The following LIN54 variants were observed in gnomAD, a reference collection of about 807,000 sequenced individuals.
The protein encoded by LIN54 is lin-54 DREAM MuvB core complex component, also known as protein lin-54 homolog.
A neutral mutation model predicts 78.7 loss-of-function variants in LIN54; 9 were observed. That is an observed-to-expected ratio of 0.11 (90% confidence interval 0.07 to 0.20). The LOEUF (loss-of-function observed/expected upper bound fraction) is 0.20, where lower values mean the gene tolerates loss of function less well. Ranked by LOEUF, LIN54 falls within the 10% of genes least tolerant of loss-of-function variation. The pLI, the probability that LIN54 is intolerant of heterozygous loss-of-function variation, is 1.00. For synonymous variants in LIN54, 269 were observed against 318.4 expected, an observed-to-expected ratio of 0.84 and a Z score of 1.65; for missense variants, 573 against 889.9, an observed-to-expected ratio of 0.64 and a Z score of 4.53.
chr4:82,945,896 A>G (rs568663862), intron 5 of LIN54, among the ~76,000 whole-genome samples: 1 of 152,250 alleles, frequency 6.6e-6, no homozygotes, highest in Non-Finnish European at 1.5e-5. Context: ...TGTCATTTCA[A>G]CTGACCCAAA....
intron 1 of LIN54, among the ~76,000 whole-genome samples, chr4:83,007,507 T>C (rs1033825913): frequency 6.6e-6 from 1 of 152,332 alleles, no homozygotes; most frequent in South Asian, 2.1e-4. Context: ...AAGATAGTTA[T>C]GAGGTATGCT....
In LIN54 at chr4:82,927,671, T is replaced by G. The variant is rs917582356; in HGVS notation, c.*431A>C. ...CATTTGAATGTGTTTCATAAGAATT[T>G]GTTTATGTAACATTCTGTCTGCAGA... is the stretch of plus-strand genomic sequence containing the variant. On this transcript the variant is annotated 3_prime_UTR_variant, in exon 13 of 13. Coordinates refer to ENST00000340417, the MANE Select transcript of LIN54 (RefSeq NM_194282.4). 3 of 154,980 alleles carry G rather than the reference T, an allele frequency of 1.9e-5. No individual in the cohort carries two copies. The highest frequency in any genetic ancestry group is 7.2e-5 in the African/African-American group (3 of 41,504). The allele number at this position is 154,980 out of a possible 1,614,324, so 9.6% of individuals were successfully genotyped here.
intron 4 of LIN54, among the ~76,000 whole-genome samples, chr4:82,965,344 T>C (rs1484126835): frequency 6.6e-6 from 1 of 152,120 alleles, no homozygotes; most frequent in African/African-American, 2.4e-5. Context: ...ATAAAGTAAA[T>C]TGAGAAAACA....
In LIN54 at chr4:83,010,647, C is replaced by T; in HGVS notation, c.-196G>A. 8.1e-7 allele frequency: 1 copy of T among 1,231,288 alleles called. No individual in the cohort carries two copies. The highest frequency in any genetic ancestry group is 1.0e-6 in the Non-Finnish European group (1 of 987,458). 76.3% of individuals were successfully genotyped at this position (1,231,288 alleles called of 1,614,324 possible). A position where few individuals can be genotyped will look rare whatever the true frequency, so the allele number is the denominator to read the frequency against. On this transcript the variant is annotated 5_prime_UTR_variant, in exon 1 of 13. Coordinates refer to ENST00000340417, the MANE Select transcript of LIN54 (RefSeq NM_194282.4). ...CCAAACTGGAGCGCTCCAGGGTACC[C>T]GGGGACCGAGAAGGGAGCCGGGGTG... is the stretch of plus-strand genomic sequence containing the variant.
chr4:82,951,018 T>C (rs1209000914), intron 4 of LIN54, among the ~76,000 whole-genome samples: 1 of 152,176 alleles, frequency 6.6e-6, no homozygotes. Flanking sequence ...CGTATTAATA[T>C]AGTTTTTAAA....
intron 4 of LIN54, among the ~76,000 whole-genome samples, chr4:82,965,635 T>C (rs1362766235): frequency 1.3e-5 from 2 of 152,192 alleles, no homozygotes; most frequent in African/African-American, 2.4e-5. Flanking sequence ...ATTTTGATTA[T>C]GAACTCCAGA....
At chr4:82,941,902 T>C (rs1312073706) in intron 5 of LIN54, among the ~76,000 whole-genome samples, 4 of 152,168 alleles carry the variant, frequency 2.6e-5, no homozygotes, top group Non-Finnish European at 5.9e-5. Flanking sequence ...AGGAAAGACA[T>C]TGGCACTAGA....
At chr4:83,011,415 C>T (rs889620704), upstream of LIN54, among the ~76,000 whole-genome samples, 1 of 152,058 alleles carries the variant, frequency 6.6e-6, no homozygotes, top group Non-Finnish European at 1.5e-5. Context: ...CATTTCTGTC[C>T]ATGAACACTG....
chr4:82,961,643 C>T (rs1724805530), intron 4 of LIN54, among the ~76,000 whole-genome samples: 1 of 152,118 alleles, frequency 6.6e-6, no homozygotes, highest in South Asian at 2.1e-4. Context: ...TCTAAAGATG[C>T]ATTTCTGTTC....
chr4:82,949,753 G>A (rs957873250), intron 4 of LIN54, among the ~76,000 whole-genome samples: 1 of 151,606 alleles, frequency 6.6e-6, no homozygotes, highest in Non-Finnish European at 1.5e-5. Context: ...GTTTGCAAAT[G>A]TCTTTTCCTC....
intron 3 of LIN54, among the ~76,000 whole-genome samples, chr4:82,972,220 ATTT>A (rs896835553): frequency 6.7e-6 from 1 of 148,334 alleles, no homozygotes; most frequent in Non-Finnish European, 1.5e-5. Flanking sequence ...ATGCTTAGCT[ATTT>A]TTTTTTTATT....
chr4:82,976,133 A>G (rs539191388), intron 3 of LIN54, among the ~76,000 whole-genome samples: 3 of 152,292 alleles, frequency 2.0e-5, no homozygotes, highest in African/African-American at 7.2e-5. Flanking sequence ...TGGAGCTACT[A>G]TTTTGAAGGT....
At chr4:82,983,310 G>A (rs182517267) in intron 2 of LIN54, among the ~76,000 whole-genome samples, 106 of 152,160 alleles carry the variant, frequency 7.0e-4, no homozygotes, top group Non-Finnish European at 1.1e-3. Context: ...ACCACGCCCC[G>A]CCGATCACTG....
Position 82,989,190 on chromosome 4 carries a change from GA to G in LIN54, c.-32-4315del, listed in dbSNP as rs1372714778. Among the ~76,000 whole-genome samples the G allele has an allele frequency of 4.3e-3, 601 of 139,330 alleles. 1 individual carries two copies. Among genetic ancestry groups the G allele is most frequent in the African/African-American group, 0.014 (536 of 38,076 alleles). The allele number at this position is 139,330 out of a possible 152,430, so 91.4% of individuals were successfully genotyped here. A position where few individuals can be genotyped will look rare whatever the true frequency, so the allele number is the denominator to read the frequency against. The stretch of plus-strand genomic sequence containing the variant: ...GCAACAGAGCCAGACTCTCTCTCAA[GA>G]AAAAAAAAAAATACCAGGTTTACAG... On this transcript the variant is annotated intron_variant, in intron 1 of 12. Coordinates refer to ENST00000340417, the MANE Select transcript of LIN54 (RefSeq NM_194282.4).
intron 1 of LIN54, among the ~76,000 whole-genome samples, chr4:83,004,769 G>A (rs1251513127): frequency 6.6e-6 from 1 of 152,100 alleles, no homozygotes; most frequent in Non-Finnish European, 1.5e-5. Flanking sequence ...AAGGTGCTGG[G>A]ATTACAGGTG....
At chr4:82,943,343 C>T (rs915044475) in intron 5 of LIN54, among the ~76,000 whole-genome samples, 1 of 152,048 alleles carries the variant, frequency 6.6e-6, no homozygotes, top group East Asian at 1.9e-4. Context: ...ACTATTCTGC[C>T]TACCACTGTA....
At chr4:82,990,674 A>G (rs948977801) in intron 1 of LIN54, among the ~76,000 whole-genome samples, 5 of 151,850 alleles carry the variant, frequency 3.3e-5, no homozygotes, top group African/African-American at 7.3e-5. Flanking sequence ...TAGTAGAGAC[A>G]GGGTTTCACC....
chr4:82,988,627 T>C (rs1442222297), intron 1 of LIN54, among the ~76,000 whole-genome samples: 2 of 152,214 alleles, frequency 1.3e-5, no homozygotes, highest in Non-Finnish European at 2.9e-5. Context: ...TGCTAAACTA[T>C]TTCCCAACTT....
At position 83,010,621 on chromosome 4, in the gene LIN54, T is replaced by TC; in HGVS notation, c.-171dup. The TC allele has an allele frequency of 8.1e-7, 1 of 1,229,190 alleles. No homozygotes were observed. 76.1% of individuals were successfully genotyped at this position (1,229,190 alleles called of 1,614,324 possible). A position where few individuals can be genotyped will look rare whatever the true frequency, so the allele number is the denominator to read the frequency against. ...GCCAGCAGCTTCCTTTCCCAGTTTG[T>TC]CCAAACTGGAGCGCTCCAGGGTACC... On this transcript the variant is annotated 5_prime_UTR_variant, in exon 1 of 13. Transcript: ENST00000340417.
Sources: allele counts gnomAD v4.1 joint callset (sites outside exome capture counted in the v4.1 genomes callset), GRCh38; gene constraint gnomAD v4.1.1; transcripts MANE v1.5; gene names NCBI Gene and HGNC (gene_info 2026-07-23, HGNC 2026-07-21).